CA6: variants seen among roughly 807,000 people sequenced by gnomAD.
CA6 encodes the protein carbonate dehydratase VI.
Under a neutral mutation model 35.9 loss-of-function variants are expected in CA6, and 28 were observed. The observed-to-expected ratio is 0.78, with a 90% CI of 0.58 to 1.07. The LOEUF (loss-of-function observed/expected upper bound fraction) is 1.07, where lower values mean the gene tolerates loss of function less well. Among genes scored for constraint, CA6 ranks in the 50% least tolerant of loss-of-function variants. The pLI, the probability that CA6 is intolerant of heterozygous loss-of-function variation, is 0.00. For synonymous variants in CA6, 148 were observed against 152.6 expected, an observed-to-expected ratio of 0.97 and a Z score of 0.22; for missense variants, 377 against 382.0, an observed-to-expected ratio of 0.99 and a Z score of 0.11.
rs1040143288 is a variant in CA6 at position 8,949,455 on chromosome 1, G to T, written c.259+13G>T. On this transcript the variant is annotated intron_variant, in intron 2 of 7. Transcript: ENST00000377443. ...AATGGCCACACAGGTAAGAGGAAGG[G>T]GTGGTGAGGGGCTCCAGTCCATGGG... is the stretch of plus-strand genomic sequence containing the variant. The T allele has an allele frequency of 1.2e-6, 2 of 1,606,476 alleles. No individual in the cohort carries two copies. Among genetic ancestry groups the T allele is most frequent in the African/African-American group, 1.3e-5 (1 of 74,332 alleles).
chr1:8,949,621 T>C (rs1259913000), intron 2 of CA6, among the ~76,000 whole-genome samples, 179 bp downstream of exon 2: 1 of 152,088 alleles, frequency 6.6e-6, no homozygotes, highest in African/African-American at 2.4e-5. Context: ...CTAGTGGCTC[T>C]TCCAGAGAGG....
At chr1:8,962,237 TA>T (rs767436103) in intron 4 of CA6, among the ~76,000 whole-genome samples, 3,937 of 137,692 alleles carry the variant, frequency 0.029, 133 homozygotes, top group African/African-American at 0.091. Context: ...GCAAGACTCT[TA>T]AAAAAAAAAA....
chr1:8,968,211 C>T (rs1441860016), intron 6 of CA6, among the ~76,000 whole-genome samples: 2 of 152,010 alleles, frequency 1.3e-5, no homozygotes, highest in African/African-American at 4.8e-5. Flanking sequence ...AGCAGTCTGC[C>T]TGTCTCAGCC....
rs139482890 is a variant in CA6 at position 8,950,032 on chromosome 1, T to C, written c.259+590T>C. Among the ~76,000 whole-genome samples, 540 of 152,174 alleles carry C rather than the reference T, an allele frequency of 3.5e-3. 6 individuals are homozygous for C. Among genetic ancestry groups the C allele is most frequent in the African/African-American group, 0.012 (505 of 41,470 alleles). ...TCTCACTCTGTTGCCCAGGCTGGAG[T>C]GCAGTGGCAGGATCTCAGCTCACTG... On this transcript the variant is annotated intron_variant, in intron 2 of 7. Transcript: ENST00000377443.
intron 5 of CA6, among the ~76,000 whole-genome samples, chr1:8,966,993 A>AC (rs1318224518): frequency 2.6e-5 from 4 of 151,336 alleles, no homozygotes; most frequent in Non-Finnish European, 4.4e-5. Flanking sequence ...TAATAAAAAA[A>AC]ACAACTTATT....
intron 2 of CA6, among the ~76,000 whole-genome samples, chr1:8,950,146 AT>A (rs34292063): frequency 4.0e-5 from 6 of 151,272 alleles, no homozygotes; most frequent in African/African-American, 9.8e-5. Flanking sequence ...TGCCCAGCTA[AT>A]TTTTTTTGTA....
intron 6 of CA6, among the ~76,000 whole-genome samples, chr1:8,969,763 A>T (rs1640060017): frequency 6.6e-6 from 1 of 152,224 alleles, no homozygotes; most frequent in Admixed American, 6.5e-5. Flanking sequence ...GATTATCATG[A>T]AAAGAGTATT....
rs562277100 is a variant in CA6, at chr1:8,963,062, C to G, written c.571+406C>G. ...CATACCACTTGGACATCCAGACACT[C>G]GGGGTGTTCTTCCGTCCCCTCTCCT... On this transcript the variant is annotated intron_variant, in intron 5 of 7. Coordinates refer to ENST00000377443, the MANE Select transcript of CA6 (RefSeq NM_001215.4). This position sits in a 1 kb window ranked among gnomAD's most constrained non-coding sequence, Gnocchi z 4.1. 6.6e-6 allele frequency among the ~76,000 whole-genome samples: 1 copy of G among 152,280 alleles called. No homozygotes were observed. The highest frequency in any genetic ancestry group is 2.1e-4 in the South Asian group (1 of 4,826).
chr1:8,951,547 T>C (rs1284383618), intron 2 of CA6: 1 of 765,092 alleles, frequency 1.3e-6, no homozygotes, highest in Admixed American at 1.7e-5. Flanking sequence ...CAATCATTGA[T>C]GGAGGATCTC....
At chr1:8,962,534 T>C (rs1179696973) in intron 4 of CA6, 53 bp from the exon 5 acceptor site, 8 of 1,425,828 alleles carry the variant, frequency 5.6e-6, no homozygotes, top group Non-Finnish European at 7.9e-6. Flanking sequence ...TTAGTAGCGA[T>C]GGTGCTGGGG....
intron 4 of CA6, among the ~76,000 whole-genome samples, chr1:8,959,657 C>T (rs1028116850): frequency 6.6e-6 from 1 of 150,718 alleles, no homozygotes; most frequent in Non-Finnish European, 1.5e-5. Flanking sequence ...TGGGGCCGGG[C>T]GTGGTGGCTC....
chr1:8,960,932 G>C (rs1330496425), intron 4 of CA6, among the ~76,000 whole-genome samples: 2 of 151,974 alleles, frequency 1.3e-5, no homozygotes, highest in African/African-American at 4.8e-5. Context: ...AATACCCCAA[G>C]TCTGATAAAT....
chr1:8,968,213 G>A (rs186242737), intron 6 of CA6, among the ~76,000 whole-genome samples: 2 of 152,112 alleles, frequency 1.3e-5, no homozygotes, highest in Non-Finnish European at 1.5e-5. Context: ...CAGTCTGCCT[G>A]TCTCAGCCTC....
chr1:8,973,823 C>A (rs1173526495), intron 7 of CA6, among the ~76,000 whole-genome samples: 2 of 139,740 alleles, frequency 1.4e-5, no homozygotes, highest in Non-Finnish European at 3.1e-5. Context: ...CTCTCTCTTT[C>A]TTCCTCTCTT....
At position 8,953,315 on chromosome 1, in the gene CA6, A is replaced by G. The variant is rs1264434255; in HGVS notation, c.260-3822A>G. Among the ~76,000 whole-genome samples, 3 of 152,108 alleles carry G rather than the reference A, an allele frequency of 2.0e-5. No individual in the cohort carries two copies. The East Asian group carries it at 5.8e-4, about 29-fold the overall frequency. On this transcript the variant is annotated intron_variant, in intron 2 of 7. Transcript: ENST00000377443. ...TGCTTCTCAGTTTTGGCAGTTATGA[A>G]TAAAGCTGTTATAAAACCCATATGC...
chr1:8,964,268 A>G (rs765091944), intron 5 of CA6, among the ~76,000 whole-genome samples: 3 of 151,562 alleles, frequency 2.0e-5, no homozygotes, highest in Non-Finnish European at 4.4e-5. Flanking sequence ...TTCTTTTTGG[A>G]GATGGAGTCT....
intron 2 of CA6, chr1:8,951,488 G>A (rs754044798): frequency 3.9e-6 from 3 of 765,134 alleles, no homozygotes; most frequent in Non-Finnish European, 4.8e-6. Flanking sequence ...GAAGCACAAA[G>A]GCCAAAGGCA....
Position 8,957,199 on chromosome 1 carries a change from C to A in CA6, c.322C>A (p.Gln108Lys). The change falls in exon 3 of 8, where the codon CAG (glutamine) becomes AAG (lysine). Residue 108 changes from glutamine (Q) to lysine (K), a missense_variant. Coordinates refer to ENST00000377443, the MANE Select transcript of CA6 (RefSeq NM_001215.4). ...GGCTGACGGCACTGTATACATAGCCCAGCAGATGCACTTTCACTGGGGAGG... is the reference window on the plus strand; with the variant it reads ...GGCTGACGGCACTGTATACATAGCCAAGCAGATGCACTTTCACTGGGGAGG... The part of the protein sequence containing the change: ...TVADGTVYIA[Q>K]QMHFHWGGAS... 1 of 1,614,104 alleles carries A rather than the reference C, an allele frequency of 6.2e-7. No homozygotes were observed. Among genetic ancestry groups the A allele is most frequent in the South Asian group, 1.1e-5 (1 of 91,080 alleles).
Position 8,951,608 on chromosome 1 carries a change from G to A in CA6, c.259+2166G>A, listed in dbSNP as rs183921338. On this transcript the variant is annotated intron_variant, in intron 2 of 7. Coordinates refer to ENST00000377443, the MANE Select transcript of CA6 (RefSeq NM_001215.4). ...GCTTCGTGCTGAGGGCCCAGAAGAG[G>A]GAAGGCATATGGAAGAGAAGAGCCC... The A allele has an allele frequency of 3.7e-4, 281 of 765,112 alleles. 2 individuals carry two copies. In the Admixed American group the frequency reaches 4.2e-3, roughly 12 times the overall value. 47.4% of individuals were successfully genotyped at this position (765,112 alleles called of 1,614,324 possible). A position where few individuals can be genotyped will look rare whatever the true frequency, so the allele number is the denominator to read the frequency against.
Sources: gnomAD v4.1 joint callset for allele counts (sites outside exome capture counted in the v4.1 genomes callset) on GRCh38, gnomAD v4.1.1 for gene constraint, Gnocchi (gnomAD v3.1) non-coding constraint, MANE v1.5 for transcripts, NCBI Gene and HGNC (gene_info 2026-07-23, HGNC 2026-07-21) for gene names.